PTPRD: variants seen among roughly 807,000 people sequenced by gnomAD.
PTPRD encodes the protein protein tyrosine phosphatase receptor type D.
A neutral mutation model predicts 214.5 loss-of-function variants in PTPRD; 34 were observed. The ratio of observed to expected loss-of-function variants is 0.16; its 90% CI spans 0.12 to 0.21. The LOEUF is 0.21. Among genes scored for constraint, PTPRD ranks in the 10% least tolerant of loss-of-function variants. The pLI, the probability that PTPRD is intolerant of heterozygous loss-of-function variation, is 1.00. For synonymous variants in PTPRD, 1,128 were observed against 845.7 expected, an observed-to-expected ratio of 1.33 and a Z score of -5.79; for missense variants, 2,545 against 2,398.7, an observed-to-expected ratio of 1.06 and a Z score of -1.27.
intron 5 of PTPRD, among the ~76,000 whole-genome samples, chr9:9,832,341 A>G (rs1418725482): frequency 6.6e-6 from 1 of 151,986 alleles, no homozygotes; most frequent in South Asian, 2.1e-4. Flanking sequence ...ATAGGGATGG[A>G]TATCTGAAGA....
chr9:9,779,191 T>C (rs777425554), intron 5 of PTPRD, among the ~76,000 whole-genome samples: 6 of 147,040 alleles, frequency 4.1e-5, no homozygotes, highest in Non-Finnish European at 7.5e-5. Flanking sequence ...TTTCACCATA[T>C]ACAAAAATTA....
At chr9:8,922,052 TA>T (rs141225651) in intron 11 of PTPRD, among the ~76,000 whole-genome samples, 19,730 of 152,208 alleles carry the variant, frequency 0.13, 1,436 homozygotes, top group Admixed American at 0.16. Context: ...GATTAGTGGT[TA>T]ACATCAAATT....
At chr9:10,254,965 G>A (rs1013194879) in intron 3 of PTPRD, among the ~76,000 whole-genome samples, 13 of 152,098 alleles carry the variant, frequency 8.5e-5, no homozygotes, top group African/African-American at 3.1e-4. Context: ...CTTCTTATGT[G>A]CTGTATAAAA....
At chr9:9,335,972 A>T (rs1480040986) in intron 9 of PTPRD, among the ~76,000 whole-genome samples, 2 of 152,100 alleles carry the variant, frequency 1.3e-5, no homozygotes, top group Non-Finnish European at 2.9e-5. Context: ...AATAACTTTC[A>T]AAAAAGAAAG....
At chr9:9,122,630 C>T (rs1323857608) in intron 10 of PTPRD, among the ~76,000 whole-genome samples, 1 of 152,204 alleles carries the variant, frequency 6.6e-6, no homozygotes, top group East Asian at 1.9e-4. Context: ...AATGCTATGA[C>T]ACTTGCCGCA....
At chr9:8,779,999 C>T (rs2095631903) in intron 11 of PTPRD, among the ~76,000 whole-genome samples, 1 of 152,056 alleles carries the variant, frequency 6.6e-6, no homozygotes, top group Non-Finnish European at 1.5e-5. Context: ...CACAATGTAA[C>T]ATCAAAATCC....
At chr9:9,835,106 G>A (rs965663098) in intron 5 of PTPRD, among the ~76,000 whole-genome samples, 1 of 152,114 alleles carries the variant, frequency 6.6e-6, no homozygotes. Context: ...CATATTGCTA[G>A]TACCAAAGCA....
At chr9:9,414,836 A>C (rs925820903) in intron 8 of PTPRD, 3 of 152,210 alleles carry the variant, frequency 2.0e-5, no homozygotes, top group African/African-American at 7.2e-5. Context: ...ATGGAGTTGA[A>C]TGGAAAGAGG....
intron 11 of PTPRD, among the ~76,000 whole-genome samples, chr9:8,812,386 A>T (rs1423350752): frequency 6.6e-6 from 1 of 152,244 alleles, no homozygotes; most frequent in Non-Finnish European, 1.5e-5. Context: ...TTATAGACCT[A>T]GGAATAGTTG....
At chr9:8,525,830 A>G (rs575724591) in intron 17 of PTPRD, among the ~76,000 whole-genome samples, 2 of 152,262 alleles carry the variant, frequency 1.3e-5, no homozygotes, top group East Asian at 3.9e-4. Context: ...CCCCAAGAAA[A>G]ATACAAAACA....
intron 39 of PTPRD, among the ~76,000 whole-genome samples, chr9:8,356,382 G>A (rs1341705889): frequency 6.6e-6 from 1 of 152,028 alleles, no homozygotes; most frequent in East Asian, 1.9e-4. Context: ...ATGACCAAGG[G>A]GCACAGCAAA....
intron 9 of PTPRD, among the ~76,000 whole-genome samples, chr9:9,303,223 T>C (rs1417305507): frequency 6.6e-6 from 1 of 152,028 alleles, no homozygotes; most frequent in Admixed American, 6.6e-5. Context: ...CCTATTTTTA[T>C]ACATCAATAA....
At chr9:8,661,208 A>G (rs1482970980) in intron 12 of PTPRD, among the ~76,000 whole-genome samples, 1 of 152,098 alleles carries the variant, frequency 6.6e-6, no homozygotes, top group African/African-American at 2.4e-5. Context: ...TGAGGACACT[A>G]AAAAGAATCA....
At chr9:10,133,962 C>T (rs1435321619) in intron 3 of PTPRD, among the ~76,000 whole-genome samples, 1 of 151,862 alleles carries the variant, frequency 6.6e-6, no homozygotes, top group Non-Finnish European at 1.5e-5. Context: ...TACTTTTTTT[C>T]ATTCAAGCAA....
intron 9 of PTPRD, among the ~76,000 whole-genome samples, chr9:9,258,761 T>G (rs1468112439): frequency 6.6e-6 from 1 of 151,858 alleles, no homozygotes; most frequent in Non-Finnish European, 1.5e-5. Flanking sequence ...TACACTGTAC[T>G]GAGATCATTA....
intron 3 of PTPRD, among the ~76,000 whole-genome samples, chr9:10,235,426 A>C (rs1356335369): frequency 6.6e-6 from 1 of 151,964 alleles, no homozygotes; most frequent in South Asian, 2.1e-4. Flanking sequence ...AGGACGCTAA[A>C]GAGTATAGCT....
At chr9:9,270,976 A>G (rs1379817911) in intron 9 of PTPRD, among the ~76,000 whole-genome samples, 1 of 151,322 alleles carries the variant, frequency 6.6e-6, no homozygotes, top group Admixed American at 6.6e-5. Flanking sequence ...TATAAAGAAG[A>G]CGGTGAGATA....
chr9:8,963,255 T>C (rs992592882), intron 11 of PTPRD, among the ~76,000 whole-genome samples: 9 of 152,106 alleles, frequency 5.9e-5, no homozygotes, highest in African/African-American at 7.2e-5. Context: ...TCAGAAAAGC[T>C]AGGATATAGT....
intron 11 of PTPRD, among the ~76,000 whole-genome samples, chr9:8,879,759 TG>T (rs376592421): frequency 6.0e-4 from 92 of 152,324 alleles, no homozygotes; most frequent in African/African-American, 2.1e-3. Context: ...CATTAGGGTT[TG>T]CCTCAACTTT....
Sources: gnomAD v4.1 joint callset for allele counts (sites outside exome capture counted in the v4.1 genomes callset) on GRCh38, gnomAD v4.1.1 for gene constraint, MANE v1.5 for transcripts, NCBI Gene and HGNC (gene_info 2026-07-23, HGNC 2026-07-21) for gene names.